MORC2: variants seen among roughly 807,000 people sequenced by gnomAD.
MORC2 encodes MORC family CW-type zinc finger 2.
In MORC2, 30 loss-of-function variants were observed where a neutral mutation model predicts 136.0. The observed-to-expected ratio is 0.22, with a 90% CI of 0.17 to 0.30. The LOEUF (loss-of-function observed/expected upper bound fraction) is 0.30, where lower values mean the gene tolerates loss of function less well. Among genes scored for constraint, MORC2 ranks in the 10% least tolerant of loss-of-function variants. The pLI, the probability that MORC2 is intolerant of heterozygous loss-of-function variation, is 1.00. For missense variants in MORC2, 922 were observed against 1,333.1 expected (o/e 0.69, Z 4.80); for synonymous variants, 439 against 487.0 (o/e 0.90, Z 1.30).
At position 30,936,606 on chromosome 22, in the gene MORC2, C is replaced by G; in HGVS notation, c.1642G>C (p.Gly548Arg). 1 of 1,614,114 alleles carries G rather than the reference C, an allele frequency of 6.2e-7. No homozygotes were observed. The highest frequency in any genetic ancestry group is 8.5e-7 in the Non-Finnish European group (1 of 1,180,024). The change falls in exon 17 of 26, where the codon GGA becomes CGA. Residue 548 changes from glycine to arginine, a missense_variant. Transcript: ENST00000397641. ...GTCTTCATGTCCTTTCTGAATGTTC[C>G]CAGGGGAACCTTCTGCTTTTGTTCA... is the stretch of plus-strand genomic sequence containing the variant. ...ASEQKQKVPL[G>R]TFRKDMKTQE... is the part of the protein sequence containing the mutation.
At chr22:30,933,087 C>T (rs996000933) in intron 21 of MORC2, 57 bp from the exon 22 acceptor site, 11 of 1,602,772 alleles carry the variant, frequency 6.9e-6, no homozygotes, top group Non-Finnish European at 9.4e-6. Flanking sequence ...CCTCACTTGG[C>T]CTGGGCCACA....
Position 30,934,263 on chromosome 22 carries a change from C to T in MORC2, c.2194-72G>A. The T allele has an allele frequency of 6.3e-7, 1 of 1,594,984 alleles. No homozygotes were observed. Among genetic ancestry groups the T allele is most frequent in the Non-Finnish European group, 8.6e-7 (1 of 1,169,346 alleles). ...TAAGGAGCAGGAAGATTTCATCTAG[C>T]CTAAAGGAGTCGTTCCAAGAGGAGC... On this transcript the variant is annotated intron_variant, in intron 19 of 25. Coordinates refer to ENST00000397641, the MANE Select transcript of MORC2 (RefSeq NM_001303256.3). The surrounding 1 kb of genome is among the most constrained non-coding windows in gnomAD (Gnocchi z 4.4).
intron 6 of MORC2, 27 bp downstream of exon 6, chr22:30,946,314 G>A: frequency 6.4e-7 from 1 of 1,567,778 alleles, no homozygotes; most frequent in Non-Finnish European, 8.7e-7. Flanking sequence ...GAGGACTGGT[G>A]ATGCAGACCA....
At chr22:30,946,056 A>G (rs1743433967) in intron 6 of MORC2, among the ~76,000 whole-genome samples, 1 of 152,204 alleles carries the variant, frequency 6.6e-6, no homozygotes, top group Admixed American at 6.5e-5. Context: ...TGGCAGATCT[A>G]GAGGAGCTGC....
intron 1 of MORC2, among the ~76,000 whole-genome samples, chr22:30,960,588 A>G (rs1363922794): frequency 1.3e-5 from 2 of 151,848 alleles, no homozygotes; most frequent in East Asian, 3.9e-4. Flanking sequence ...TCCCGGGTTC[A>G]AGCAATTCTC....
chr22:30,927,953 G>C, intron 25 of MORC2, 66 bp downstream of exon 25: 1 of 1,579,732 alleles, frequency 6.3e-7, no homozygotes, highest in South Asian at 1.1e-5. Context: ...AACAGGAACA[G>C]GGCCCAGGCC....
chr22:30,939,445 CT>C (rs898886787), intron 12 of MORC2, among the ~76,000 whole-genome samples, 175 bp downstream of exon 12: 1 of 152,140 alleles, frequency 6.6e-6, no homozygotes, highest in Non-Finnish European at 1.5e-5. Context: ...CCTGCCCTGT[CT>C]TTATGACTCA....
rs140792905 is a variant in MORC2, at chr22:30,949,835, A to C, written c.234T>G (p.Ala78=). The change falls in exon 5 of 26, where the codon GCT becomes GCG. Residue 78 remains alanine (A), a synonymous_variant. Transcript: ENST00000397641. ...ACTTCCCAAACTGGATCACACTGGC[A>C]GCATCACCTGAAAGGGCAGACACAA... ...DDGAGMDPSD[A]ASVIQFGKSA... is the part of the protein sequence containing the mutation. The C allele has an allele frequency of 4.2e-3, 6,733 of 1,614,092 alleles. 107 individuals carry two copies. Among genetic ancestry groups the C allele is most frequent in the Admixed American group, 0.039 (2,322 of 60,016 alleles).
rs371713427 is a variant in MORC2 at position 30,941,545 on chromosome 22, G to T, written c.712C>A (p.Arg238Ser). 4 of 1,613,238 alleles carry T rather than the reference G, an allele frequency of 2.5e-6. No individual in the cohort carries two copies. The highest frequency in any genetic ancestry group is 3.4e-6 in the Non-Finnish European group (4 of 1,179,492). Residue 238 changes from arginine (R) to serine (S), a missense_variant, in exon 9 of 26, where the codon CGC becomes AGC. Arg to Ser is a moderately radical substitution (Grantham distance 110). Coordinates refer to ENST00000397641, the MANE Select transcript of MORC2 (RefSeq NM_001303256.3). The surrounding 1 kb of genome is among the most constrained non-coding windows in gnomAD (Gnocchi z 4.6). ...ACAGCGGCATAGGCACGGAACGAGC[G>T]CCGCTCTGGCTTCCTGGAGAGGGCA... ...TSPEGTKPER[R>S]SFRAYAAVLY...
intron 4 of MORC2, among the ~76,000 whole-genome samples, chr22:30,950,109 G>A (rs1474404544): frequency 6.6e-6 from 1 of 152,138 alleles, no homozygotes; most frequent in Non-Finnish European, 1.5e-5. Flanking sequence ...AGAATGTTGT[G>A]CAAGCTGATA....
chr22:30,965,974 A>G (rs2041122742), intron 1 of MORC2, among the ~76,000 whole-genome samples: 1 of 152,246 alleles, frequency 6.6e-6, no homozygotes, highest in African/African-American at 2.4e-5. Flanking sequence ...GCACCGTTTA[A>G]GTCTGCCACT....
chr22:30,948,984 C>G (rs2040854026), intron 5 of MORC2, among the ~76,000 whole-genome samples: 1 of 152,204 alleles, frequency 6.6e-6, no homozygotes. Context: ...ATGCTGCTGA[C>G]TGATCAAACC....
At chr22:30,965,805 A>G (rs1489391376) in intron 1 of MORC2, among the ~76,000 whole-genome samples, 2 of 152,258 alleles carry the variant, frequency 1.3e-5, no homozygotes, top group Non-Finnish European at 2.9e-5. Flanking sequence ...ATTCATTGAG[A>G]TAAACTAAAA....
At position 30,937,631 on chromosome 22, in the gene MORC2, G is replaced by T; in HGVS notation, c.1450C>A (p.Arg484Ser). Reference protein sequence around the residue: ...NWNQPPSSELRYKRRRAMEIP... With the variant: ...NWNQPPSSELSYKRRRAMEIP... ...TCCATAGCTCTCCGGCGTTTGTAAC[G>T]CAGCTCACTGGATGGGGGCTGGTTC... The change falls in exon 15 of 26, where the codon CGT (arginine) becomes AGT (serine). Residue 484 changes from arginine to serine, a missense_variant. Physicochemically the swap from Arg to Ser is moderately radical, Grantham distance 110 (BLOSUM62 -1). Transcript: ENST00000397641. The surrounding 1 kb of genome is among the most constrained non-coding windows in gnomAD (Gnocchi z 4.7). 1 of 1,613,774 alleles carries T rather than the reference G, an allele frequency of 6.2e-7. No homozygotes were observed. Among genetic ancestry groups the T allele is most frequent in the Non-Finnish European group, 8.5e-7 (1 of 1,180,014 alleles).
rs1271323683 is a variant in MORC2, at chr22:30,967,979, GC to G, written c.-91del. 8.7e-7 allele frequency: 1 copy of G among 1,149,626 alleles called. No individual in the cohort carries two copies. 71.2% of individuals were successfully genotyped at this position (1,149,626 alleles called of 1,614,324 possible). ...ATTTCCCAGGATTCTGTCCAGTAAA[GC>G]TTCAGTAAGTCTGTGCTCCTTAATG... On this transcript the variant is annotated 5_prime_UTR_variant, in exon 1 of 26. Coordinates refer to ENST00000397641, the MANE Select transcript of MORC2 (RefSeq NM_001303256.3).
In MORC2 at chr22:30,926,627, A is replaced by G. The variant is rs62238097; in HGVS notation, c.*176T>C. On this transcript the variant is annotated 3_prime_UTR_variant, in exon 26 of 26. Coordinates refer to ENST00000397641, the MANE Select transcript of MORC2 (RefSeq NM_001303256.3). ...CACAGCATCTTCTTTTAAAAAATAAATATTTATAAACTTAAGGAAGATTCA... is the reference window on the plus strand; with the variant it reads ...CACAGCATCTTCTTTTAAAAAATAAGTATTTATAAACTTAAGGAAGATTCA... 9.9e-4 allele frequency: 343 copies of G among 346,430 alleles called. 1 individual carries two copies. The highest frequency in any genetic ancestry group is 1.6e-3 in the Non-Finnish European group (309 of 193,860). The allele number at this position is 346,430 out of a possible 1,614,324, so 21.5% of individuals were successfully genotyped here.
At chr22:30,958,448 TTAAG>T (rs1290227639) in intron 2 of MORC2, among the ~76,000 whole-genome samples, 189 bp downstream of exon 2, 3 of 152,190 alleles carry the variant, frequency 2.0e-5, no homozygotes, top group Admixed American at 6.5e-5. Flanking sequence ...ATTAGTGAAT[TTAAG>T]TAAGAAAGTG....
chr22:30,949,786 T>A lies in MORC2; in HGVS notation c.283A>T (p.Thr95Ser). The A allele has an allele frequency of 6.2e-7, 1 of 1,614,174 alleles. No homozygotes were observed. ...CCATTCCCGTACTGCCCAATCTGAG[T>A]AGACTCAGGTGTTCGCTTGGCCGAC... ...GKSAKRTPES[T>S]QIGQYGNGLK... Residue 95 changes from threonine to serine, a missense_variant, in exon 5 of 26, where the codon ACT (threonine) becomes TCT (serine). By Grantham distance (58) the Thr-to-Ser change is moderately conservative (BLOSUM62 1). Transcript: ENST00000397641.
chr22:30,945,567 G>T (rs1291828817), intron 6 of MORC2, among the ~76,000 whole-genome samples: 1 of 152,184 alleles, frequency 6.6e-6, no homozygotes, highest in African/African-American at 2.4e-5. Context: ...GTCTGAGGCT[G>T]GGTAGTCCAC....
Sources: gnomAD v4.1 joint callset for allele counts (sites outside exome capture counted in the v4.1 genomes callset) on GRCh38, gnomAD v4.1.1 for gene constraint, Gnocchi (gnomAD v3.1) non-coding constraint, MANE v1.5 for transcripts, NCBI Gene and HGNC (gene_info 2026-07-23, HGNC 2026-07-21) for gene names.